Variants in GSE1 observed in about 807,000 individuals in gnomAD.
The protein encoded by GSE1 is genetic suppressor element 1.
Under a neutral mutation model 112.6 loss-of-function variants are expected in GSE1, and 32 were observed. The observed-to-expected ratio is 0.28, with a 90% CI of 0.21 to 0.38. The LOEUF is 0.38. Ranked by LOEUF, GSE1 falls within the 10% of genes least tolerant of loss-of-function variation. The pLI, the probability that GSE1 is intolerant of heterozygous loss-of-function variation, is 1.00. For synonymous variants in GSE1, 1,115 were observed against 735.6 expected, an observed-to-expected ratio of 1.52 and a Z score of -8.35; for missense variants, 2,348 against 1,699.2, an observed-to-expected ratio of 1.38 and a Z score of -6.71.
At chr16:85,561,090 C>A (rs1374011332) in intron 1 of GSE1, among the ~76,000 whole-genome samples, 2 of 151,402 alleles carry the variant, frequency 1.3e-5, no homozygotes, top group African/African-American at 4.9e-5. Context: ...TGTGATTCCA[C>A]GACTGTACTG....
At chr16:85,437,113 A>G (rs1283659594) in intron 2 of GSE1, among the ~76,000 whole-genome samples, 3 of 152,088 alleles carry the variant, frequency 2.0e-5, no homozygotes, top group Non-Finnish European at 4.4e-5. Context: ...GAAATTTCCC[A>G]TTAAGGGAGG....
chr16:85,359,278 C>T (rs2047015303), intron 2 of GSE1: 5 of 408,042 alleles, frequency 1.2e-5, no homozygotes, highest in East Asian at 7.2e-5. Context: ...TGGCGGCTCA[C>T]GGGTCAGTGG....
At chr16:85,361,800 G>T (rs2047087760) in intron 2 of GSE1, among the ~76,000 whole-genome samples, 1 of 152,250 alleles carries the variant, frequency 6.6e-6, no homozygotes, top group Non-Finnish European at 1.5e-5. Context: ...AGAGGCGGGG[G>T]TTGTGTGTGT....
Position 85,242,420 on chromosome 16 carries a change from A to C in GSE1, c.2283+70613A>C, listed in dbSNP as rs979401811. On this transcript the variant is annotated intron_variant, in intron 1 of 2. Transcript: ENST00000637419. ...TGGTCAGCAGGACCACGTGGAGCCA[A>C]GCAGTTGGTGAAGGCCACCTTCCAT... 2.6e-5 allele frequency among the ~76,000 whole-genome samples: 4 copies of C among 152,364 alleles called. No homozygotes were observed. The South Asian group carries it at 8.3e-4, about 32-fold the overall frequency.
exon 1 of GSE1, chr16:85,170,473 T>G: frequency 1.0e-6 from 1 of 985,624 alleles, no homozygotes; most frequent in Non-Finnish European, 1.2e-6. Flanking sequence ...ACGGGGCTTC[T>G]GCACCTCCGA....
At chr16:85,352,091 G>C (rs529667509) in intron 1 of GSE1, among the ~76,000 whole-genome samples, 1 of 152,142 alleles carries the variant, frequency 6.6e-6, no homozygotes, top group South Asian at 2.1e-4. Context: ...CTGACCACAC[G>C]TGTGTGCATG....
At chr16:85,197,836 G>A (rs1319097251) in intron 1 of GSE1, among the ~76,000 whole-genome samples, 1 of 152,228 alleles carries the variant, frequency 6.6e-6, no homozygotes, top group Non-Finnish European at 1.5e-5. Flanking sequence ...CAGAGAGAGG[G>A]TTTGTCCGGG....
At chr16:85,530,876 G>A (rs958313814) in intron 2 of GSE1, among the ~76,000 whole-genome samples, 8 of 152,252 alleles carry the variant, frequency 5.3e-5, no homozygotes, top group African/African-American at 1.2e-4. Context: ...TCTTCTTGCA[G>A]CCTCCGTGCC....
intron 1 of GSE1, among the ~76,000 whole-genome samples, chr16:85,274,807 A>G (rs902711609): frequency 1.1e-4 from 16 of 152,190 alleles, no homozygotes; most frequent in South Asian, 2.1e-4. Flanking sequence ...GGTCACCTGC[A>G]GAAAGCTCAC....
In GSE1 at chr16:85,656,448, C is replaced by G; in HGVS notation, c.1095C>G (p.Arg365=). The G allele has an allele frequency of 1.3e-6, 2 of 1,549,710 alleles. No homozygotes were observed. The highest frequency in any genetic ancestry group is 1.2e-5 in the South Asian group (1 of 85,434). ...REREKERERE[R]EKEREQEKER... ...GGGAGAAGGAACGTGAGCGCGAACG[C>G]GAGAAGGAGCGCGAGCAAGAGAAGG... The change falls in exon 7 of 16, where the codon CGC becomes CGG. Residue 365 remains arginine (R), a synonymous_variant. Transcript: ENST00000253458.
chr16:85,623,156 G>A lies in GSE1; in HGVS notation c.7+9758G>A, dbSNP rs151151634. ...TTGATTCTCGTTTAAACAACACAGC[G>A]TGATTTCAGGTCAAATAAAAACAGG... On this transcript the variant is annotated intron_variant, in intron 1 of 15. Transcript: ENST00000253458. Among the ~76,000 whole-genome samples, 495 of 151,850 alleles carry A rather than the reference G, an allele frequency of 3.3e-3. 4 individuals carry two copies. The highest frequency in any genetic ancestry group is 8.2e-3 in the African/African-American group (338 of 41,386).
intron 1 of GSE1, among the ~76,000 whole-genome samples, chr16:85,211,838 C>G (rs192538920): frequency 3.3e-5 from 5 of 152,246 alleles, no homozygotes; most frequent in African/African-American, 1.2e-4. Context: ...TGGATGCTGC[C>G]TCTTGGGGCA....
At chr16:85,566,817 G>T (rs1374811391) in intron 1 of GSE1, among the ~76,000 whole-genome samples, 1 of 152,226 alleles carries the variant, frequency 6.6e-6, no homozygotes. Context: ...AGAGAAAGGG[G>T]GGCCGGCAGG....
chr16:85,404,514 T>C (rs1179587014), intron 2 of GSE1, among the ~76,000 whole-genome samples: 4 of 60,758 alleles, frequency 6.6e-5, no homozygotes, highest in East Asian at 4.4e-4. Context: ...TAATCCTCAC[T>C]GTTACTCTCA....
At chr16:85,434,450 T>C (rs1327643457) in intron 2 of GSE1, among the ~76,000 whole-genome samples, 1 of 152,178 alleles carries the variant, frequency 6.6e-6, no homozygotes, top group African/African-American at 2.4e-5. Flanking sequence ...TGCTGTGTTA[T>C]TACCTGCATG....
intron 2 of GSE1, among the ~76,000 whole-genome samples, chr16:85,514,666 T>C (rs1024959997): frequency 5.3e-5 from 8 of 152,208 alleles, no homozygotes; most frequent in African/African-American, 1.9e-4. Flanking sequence ...GAAGGGCCTC[T>C]ATTGCCAGAA....
At chr16:85,179,898 G>T (rs2074546593) in intron 1 of GSE1, among the ~76,000 whole-genome samples, 1 of 152,214 alleles carries the variant, frequency 6.6e-6, no homozygotes, top group Non-Finnish European at 1.5e-5. Context: ...ACCCTGGCTG[G>T]GTCTCAGTTT....
intron 1 of GSE1, among the ~76,000 whole-genome samples, chr16:85,320,354 G>A (rs2046077192): frequency 6.6e-6 from 1 of 152,258 alleles, no homozygotes; most frequent in South Asian, 2.1e-4. Context: ...AGGCCAGGAG[G>A]TGTGTGGAGC....
chr16:85,255,039 C>T (rs1906915388), intron 1 of GSE1, among the ~76,000 whole-genome samples: 1 of 152,210 alleles, frequency 6.6e-6, no homozygotes, highest in African/African-American at 2.4e-5. Context: ...TGCAGGGACC[C>T]GCCACCCACC....
Sources: gnomAD v4.1 joint callset for allele counts (sites outside exome capture counted in the v4.1 genomes callset) on GRCh38, gnomAD v4.1.1 for gene constraint, MANE v1.5 for transcripts, NCBI Gene and HGNC (gene_info 2026-07-23, HGNC 2026-07-21) for gene names.